STAG1: variants seen among roughly 807,000 people sequenced by gnomAD.
STAG1 encodes cohesin subunit SA-1.
In STAG1, 26 loss-of-function variants were observed where a neutral mutation model predicts 170.9. That is an observed-to-expected ratio of 0.15 (90% confidence interval 0.11 to 0.21). STAG1 has a LOEUF of 0.21. STAG1 is among the 10% of genes least tolerant of loss of function. The pLI is 1.00. For missense variants in STAG1, 964 were observed against 1,509.5 expected (o/e 0.64, Z 5.99); for synonymous variants, 514 against 497.7 (o/e 1.03, Z -0.44).
At chr3:136,393,305 C>G (rs1011107005) in intron 22 of STAG1, among the ~76,000 whole-genome samples, 3 of 152,128 alleles carry the variant, frequency 2.0e-5, no homozygotes, top group African/African-American at 7.2e-5. Context: ...CCTCCATATA[C>G]TGTTAGTCCT....
intron 1 of STAG1, among the ~76,000 whole-genome samples, chr3:136,634,656 C>T (rs1233442227): frequency 7.2e-6 from 1 of 139,340 alleles, no homozygotes; most frequent in Non-Finnish European, 1.6e-5. Context: ...AATTCTACAA[C>T]TGAAGAAAAA....
intron 26 of STAG1, among the ~76,000 whole-genome samples, chr3:136,361,880 G>A (rs1936874733): frequency 6.6e-6 from 1 of 151,966 alleles, no homozygotes; most frequent in African/African-American, 2.4e-5. Flanking sequence ...CCAAAGTGCT[G>A]GAATTACATG....
chr3:136,527,659 A>G (rs1302648750), intron 6 of STAG1, among the ~76,000 whole-genome samples: 3 of 151,956 alleles, frequency 2.0e-5, no homozygotes, highest in Non-Finnish European at 4.4e-5. Flanking sequence ...GGGAGAGGCA[A>G]TCTGATTTTT....
Position 136,409,944 on chromosome 3 carries a change from G to GGT in STAG1, c.2196+7939_2196+7940dup, listed in dbSNP as rs2087579368. On this transcript the variant is annotated intron_variant, in intron 21 of 33. Coordinates refer to ENST00000383202, the MANE Select transcript of STAG1 (RefSeq NM_005862.3). The stretch of plus-strand genomic sequence containing the variant: ...ATATTTCTTTTAAAAAATTAGCTGC[G>GGT]GTGTGGTGGTGCAAGCCTGTGGTCC... 2.0e-5 allele frequency among the ~76,000 whole-genome samples: 3 copies of GGT among 151,498 alleles called. No homozygotes were observed. In the South Asian group the frequency reaches 6.3e-4, roughly 32 times the overall value.
intron 3 of STAG1, among the ~76,000 whole-genome samples, chr3:136,622,135 T>TAAAAAA (rs75542452): frequency 2.5e-4 from 23 of 92,784 alleles, no homozygotes; most frequent in African/African-American, 6.5e-4. Context: ...CCATCTCTAC[T>TAAAAAA]AAAAAAAAAA....
At chr3:136,733,977 G>T (rs1288296996) in intron 1 of STAG1, among the ~76,000 whole-genome samples, 1 of 151,658 alleles carries the variant, frequency 6.6e-6, no homozygotes, top group Non-Finnish European at 1.5e-5. Flanking sequence ...TGTGGTGGCG[G>T]GCACCTGTAG....
At chr3:136,358,502 A>C (rs1423233900) in intron 27 of STAG1, among the ~76,000 whole-genome samples, 1 of 152,210 alleles carries the variant, frequency 6.6e-6, no homozygotes, top group Non-Finnish European at 1.5e-5. Context: ...AGTTTACTAA[A>C]GATTTTCTGT....
intron 11 of STAG1, among the ~76,000 whole-genome samples, chr3:136,472,739 C>G (rs1054370228): frequency 1.5e-4 from 23 of 152,148 alleles, no homozygotes; most frequent in African/African-American, 5.5e-4. Flanking sequence ...CCTTAACATA[C>G]AAAATTACTA....
chr3:136,609,689 G>C (rs1451770361), intron 3 of STAG1: 1 of 172,810 alleles, frequency 5.8e-6, no homozygotes, highest in Non-Finnish European at 1.2e-5. Flanking sequence ...ATAAATGCAA[G>C]TTTTTTAGTA....
intron 7 of STAG1, chr3:136,518,372 G>T (rs536583008): frequency 1.7e-5 from 12 of 700,482 alleles, no homozygotes; most frequent in Admixed American, 6.0e-5. Context: ...TGAAGCAGAG[G>T]ATTAAATGTT....
chr3:136,650,328 C>T (rs1941174065), intron 1 of STAG1, among the ~76,000 whole-genome samples: 1 of 150,936 alleles, frequency 6.6e-6, no homozygotes, highest in Admixed American at 6.6e-5. Context: ...AATGTATCAA[C>T]TTATCAAAAT....
intron 13 of STAG1, among the ~76,000 whole-genome samples, chr3:136,455,160 T>C (rs969647239): frequency 6.6e-6 from 1 of 152,134 alleles, no homozygotes; most frequent in Admixed American, 6.5e-5. Flanking sequence ...TAATAAAAAC[T>C]TTTTTTGGTG....
intron 4 of STAG1, among the ~76,000 whole-genome samples, chr3:136,577,470 C>T (rs1413933222): frequency 6.6e-6 from 1 of 152,164 alleles, no homozygotes; most frequent in Non-Finnish European, 1.5e-5. Context: ...ATCAAACTAA[C>T]AATTTTGAAT....
At chr3:136,356,275 T>C (rs184462723) in intron 28 of STAG1, among the ~76,000 whole-genome samples, 23 of 152,302 alleles carry the variant, frequency 1.5e-4, no homozygotes, top group Admixed American at 1.3e-3. Context: ...AATGAATATT[T>C]TCTGATCAAC....
intron 5 of STAG1, among the ~76,000 whole-genome samples, chr3:136,553,152 A>G (rs560452727): frequency 3.3e-5 from 5 of 152,310 alleles, no homozygotes; most frequent in Admixed American, 2.0e-4. Context: ...AGTAGTTATA[A>G]TTTACAGAAA....
chr3:136,452,001 G>C (rs538591923), intron 14 of STAG1, 32 bp downstream of exon 14: 39 of 1,353,740 alleles, frequency 2.9e-5, no homozygotes, highest in Non-Finnish European at 4.0e-5. Context: ...TATAATAAAA[G>C]AAATAAGGAA....
At chr3:136,542,300 C>A (rs999676204) in intron 5 of STAG1, 105 bp from the exon 6 acceptor site, 6 of 779,516 alleles carry the variant, frequency 7.7e-6, no homozygotes, top group Non-Finnish European at 1.3e-5. Flanking sequence ...AAAAGAATAA[C>A]CTTCCAACAT....
intron 5 of STAG1, among the ~76,000 whole-genome samples, chr3:136,543,340 A>G (rs1332784654): frequency 1.3e-5 from 2 of 152,232 alleles, no homozygotes; most frequent in East Asian, 3.8e-4. Context: ...GCATTTGTAT[A>G]GTCCTTATCA....
At chr3:136,431,491 C>G (rs984246489) in intron 16 of STAG1, among the ~76,000 whole-genome samples, 1 of 151,816 alleles carries the variant, frequency 6.6e-6, no homozygotes, top group Non-Finnish European at 1.5e-5. Flanking sequence ...AGGCTGGAGT[C>G]GAACTCCTGA....
Sources: allele counts gnomAD v4.1 joint callset (sites outside exome capture counted in the v4.1 genomes callset), GRCh38; gene constraint gnomAD v4.1.1; transcripts MANE v1.5; gene names NCBI Gene and HGNC (gene_info 2026-07-23, HGNC 2026-07-21).